Variants in COMMD10 observed in about 807,000 individuals in gnomAD.
COMMD10 encodes the protein COMM domain-containing protein 10.
In COMMD10, 33 loss-of-function variants were observed where a neutral mutation model predicts 28.9. That is an observed-to-expected ratio of 1.14 (90% CI 0.87 to 1.53). The LOEUF is 1.53. Ranked by LOEUF, COMMD10 falls within the 40% of genes most tolerant of loss-of-function variation. The pLI is 0.00. For missense variants in COMMD10, 310 were observed against 233.4 expected (o/e 1.33, Z -2.14); for synonymous variants, 110 against 81.7 (o/e 1.35, Z -1.87).
chr5:116,096,906 T>A (rs971431128), intron 4 of COMMD10, among the ~76,000 whole-genome samples: 4 of 152,050 alleles, frequency 2.6e-5, no homozygotes, highest in African/African-American at 9.7e-5. Context: ...TTTTCATTTT[T>A]AAAAAAAATT....
At chr5:116,251,278 A>G (rs1750108437) in intron 5 of COMMD10, among the ~76,000 whole-genome samples, 1 of 146,900 alleles carries the variant, frequency 6.8e-6, no homozygotes, top group South Asian at 2.2e-4. Context: ...TTATTTATTT[A>G]TTTATTTATT....
chr5:116,124,668 G>A (rs114357478), intron 4 of COMMD10, among the ~76,000 whole-genome samples: 5 of 152,076 alleles, frequency 3.3e-5, no homozygotes, highest in African/African-American at 1.2e-4. Context: ...TAACAGTGGG[G>A]TGTTAAAGTC....
chr5:116,280,588 T>A (rs1218012991), intron 5 of COMMD10, among the ~76,000 whole-genome samples: 2 of 151,834 alleles, frequency 1.3e-5, no homozygotes, highest in African/African-American at 4.9e-5. Flanking sequence ...TGAGCACTTT[T>A]CTCGGGCAGC....
intron 5 of COMMD10, among the ~76,000 whole-genome samples, chr5:116,266,133 C>G (rs1750579534): frequency 6.6e-6 from 1 of 151,614 alleles, no homozygotes; most frequent in Admixed American, 6.6e-5. Flanking sequence ...TAGAGGAAGA[C>G]CTTCTCCTTA....
intron 5 of COMMD10, among the ~76,000 whole-genome samples, chr5:116,147,406 A>T (rs973934383): frequency 6.6e-6 from 1 of 151,934 alleles, no homozygotes; most frequent in Non-Finnish European, 1.5e-5. Flanking sequence ...GAATTTTTAC[A>T]AACTCATTTT....
chr5:116,273,965 A>G (rs1014429528), intron 5 of COMMD10, among the ~76,000 whole-genome samples: 1 of 151,758 alleles, frequency 6.6e-6, no homozygotes, highest in Non-Finnish European at 1.5e-5. Context: ...ACTTTAGATG[A>G]TATCAGTCAT....
At chr5:116,178,684 A>G (rs1747841088) in intron 5 of COMMD10, among the ~76,000 whole-genome samples, 1 of 152,110 alleles carries the variant, frequency 6.6e-6, no homozygotes, top group Non-Finnish European at 1.5e-5. Flanking sequence ...GGCCAAGTTT[A>G]CTTTCTAGCC....
At chr5:116,112,427 G>T (rs375610956) in intron 4 of COMMD10, among the ~76,000 whole-genome samples, 3 of 151,412 alleles carry the variant, frequency 2.0e-5, no homozygotes, top group Admixed American at 2.0e-4. Context: ...AGATGGAGTC[G>T]CGTGCTGTCG....
At chr5:116,189,561 C>A (rs898804736) in intron 5 of COMMD10, among the ~76,000 whole-genome samples, 1 of 152,172 alleles carries the variant, frequency 6.6e-6, no homozygotes, top group African/African-American at 2.4e-5. Flanking sequence ...AACCAGAAAT[C>A]ACTTCCATTC....
intron 5 of COMMD10, among the ~76,000 whole-genome samples, chr5:116,191,098 T>C (rs62384213): frequency 0.065 from 9,828 of 152,184 alleles, 430 homozygotes; most frequent in Admixed American, 0.12. Flanking sequence ...ACTCATGCTA[T>C]TTCCAGATTT....
chr5:116,256,944 A>C (rs1453049740), intron 5 of COMMD10, among the ~76,000 whole-genome samples: 1 of 151,774 alleles, frequency 6.6e-6, no homozygotes, highest in African/African-American at 2.4e-5. Context: ...ACTCACACAT[A>C]TGTACTTAAC....
At chr5:116,168,234 CAAAG>C (rs750681754) in intron 5 of COMMD10, among the ~76,000 whole-genome samples, 6 of 147,246 alleles carry the variant, frequency 4.1e-5, no homozygotes, top group Non-Finnish European at 7.5e-5. Flanking sequence ...TCAAAAAAGA[CAAAG>C]AAGGGCATTA....
At chr5:116,169,811 A>G (rs1753259116) in intron 5 of COMMD10, among the ~76,000 whole-genome samples, 1 of 152,210 alleles carries the variant, frequency 6.6e-6, no homozygotes, top group Admixed American at 6.5e-5. Context: ...AAAACACTCA[A>G]TAAACTAGGT....
intron 4 of COMMD10, among the ~76,000 whole-genome samples, chr5:116,113,326 G>A (rs1384755321): frequency 7.3e-6 from 1 of 136,302 alleles, no homozygotes; most frequent in Non-Finnish European, 1.6e-5. Flanking sequence ...AGATCATGGA[G>A]CCTCCTGTAT....
intron 5 of COMMD10, among the ~76,000 whole-genome samples, chr5:116,144,541 T>C (rs183013066): frequency 4.6e-5 from 7 of 151,968 alleles, no homozygotes; most frequent in Admixed American, 2.6e-4. Context: ...CTACATAGTG[T>C]TAAAAAATGA....
At chr5:116,254,711 C>G (rs1015604380) in intron 5 of COMMD10, among the ~76,000 whole-genome samples, 8 of 151,792 alleles carry the variant, frequency 5.3e-5, no homozygotes, top group Non-Finnish European at 1.0e-4. Flanking sequence ...GAGATCTTTA[C>G]TTCCAAGTAT....
intron 5 of COMMD10, among the ~76,000 whole-genome samples, chr5:116,244,207 T>C (rs2112666146): frequency 6.6e-6 from 1 of 152,220 alleles, no homozygotes. Context: ...GACTGCTTTC[T>C]TTCATTTTTT....
intron 1 of COMMD10, chr5:116,085,720 A>G (rs1750071186): frequency 6.6e-6 from 1 of 152,212 alleles, no homozygotes; most frequent in Non-Finnish European, 1.5e-5. Flanking sequence ...ACATTATTTA[A>G]GTAAAAAAAG....
intron 5 of COMMD10, among the ~76,000 whole-genome samples, chr5:116,203,661 A>T (rs917155452): frequency 6.6e-6 from 1 of 152,168 alleles, no homozygotes; most frequent in Admixed American, 6.5e-5. Flanking sequence ...GTGAAGGAGA[A>T]ATAAAATACT....
Sources: gnomAD v4.1 joint callset for allele counts (sites outside exome capture counted in the v4.1 genomes callset) on GRCh38, gnomAD v4.1.1 for gene constraint, MANE v1.5 for transcripts, NCBI Gene and HGNC (gene_info 2026-07-23, HGNC 2026-07-21) for gene names.